CAV3: variants seen among roughly 807,000 people sequenced by gnomAD.
The protein encoded by CAV3 is caveolin-3.
In CAV3, 10 loss-of-function variants were observed where a neutral mutation model predicts 13.4. That is an observed-to-expected ratio of 0.75 (90% CI 0.46 to 1.27). The LOEUF (loss-of-function observed/expected upper bound fraction) is 1.27. Ranked by LOEUF, CAV3 falls within the 50% of genes most tolerant of loss-of-function variation. The probability of loss-of-function intolerance (pLI) is 0.00; values close to 1 mark genes in which losing one functional copy is unlikely to be tolerated. For synonymous variants in CAV3, 90 were observed against 79.0 expected, an observed-to-expected ratio of 1.14 and a Z score of -0.74; for missense variants, 162 against 194.0, an observed-to-expected ratio of 0.83 and a Z score of 0.98.
intron 1 of CAV3, among the ~76,000 whole-genome samples, chr3:8,739,983 G>A (rs1472960201): frequency 6.6e-6 from 1 of 152,124 alleles, no homozygotes; most frequent in Non-Finnish European, 1.5e-5. Flanking sequence ...AGGACTGGCA[G>A]AGATGGCTGG....
intron 1 of CAV3, among the ~76,000 whole-genome samples, chr3:8,737,759 A>G (rs1047257561): frequency 6.6e-6 from 1 of 152,152 alleles, no homozygotes; most frequent in African/African-American, 2.4e-5. Context: ...GCCTCACTGC[A>G]TGCAAACCCT....
In CAV3 at chr3:8,733,995, G is replaced by C. The variant is rs1354029651; in HGVS notation, c.114+5G>C. 6.4e-7 allele frequency: 1 copy of C among 1,551,010 alleles called. No homozygotes were observed. The highest frequency in any genetic ancestry group is 1.4e-5 in the African/African-American group (1 of 73,318). On this transcript the variant is annotated splice_donor_5th_base_variant and intron_variant, in intron 1 of 1. Transcript: ENST00000343849. Reference sequence around the variant, plus strand: ...ATTAACGAGGACATAGTCAAGGTAGGCTCTGCAGGCCTGCCTCGGCGGGCG... The same window carrying C: ...ATTAACGAGGACATAGTCAAGGTAGCCTCTGCAGGCCTGCCTCGGCGGGCG...
intron 1 of CAV3, among the ~76,000 whole-genome samples, chr3:8,738,571 G>C (rs186254380): frequency 4.6e-5 from 7 of 152,314 alleles, no homozygotes; most frequent in African/African-American, 1.7e-4. Flanking sequence ...GTTAGGAGAG[G>C]AAGAATTACT....
Position 8,745,921 on chromosome 3 carries a change from C to T in CAV3, c.*54C>T, listed in dbSNP as rs1575478218. The stretch of plus-strand genomic sequence containing the variant: ...GCAGGGGGTGGTGGGCCAGACTGGT[C>T]CCCGGGGGACTTCTTCACAGGGGCT... On this transcript the variant is annotated 3_prime_UTR_variant, in exon 2 of 2. Transcript: ENST00000343849. This position sits in a 1 kb window ranked among gnomAD's most constrained non-coding sequence, Gnocchi z 4.8. 16 of 1,453,088 alleles carry T rather than the reference C, an allele frequency of 1.1e-5. No individual in the cohort carries two copies. The highest frequency in any genetic ancestry group is 1.3e-5 in the Non-Finnish European group (14 of 1,053,732). The allele number at this position is 1,453,088 out of a possible 1,614,324, so 90.0% of individuals were successfully genotyped here.
rs866796858 is a variant in CAV3 at position 8,734,787 on chromosome 3, C to G, written c.114+797C>G. Among the ~76,000 whole-genome samples, 6 of 152,350 alleles carry G rather than the reference C, an allele frequency of 3.9e-5. No individual in the cohort carries two copies. In the Middle Eastern group the frequency reaches 0.014, roughly 345 times the overall value. The stretch of plus-strand genomic sequence containing the variant: ...AGGCTGGAGTGCAGTCGCACACTCA[C>G]GCCTCACTGCAGCCTCAACCTCCCA... On this transcript the variant is annotated intron_variant, in intron 1 of 1. Coordinates refer to ENST00000343849, the MANE Select transcript of CAV3 (RefSeq NM_033337.3).
In CAV3 at chr3:8,733,863, C is replaced by G; in HGVS notation, c.-14C>G. 1 of 1,540,152 alleles carries G rather than the reference C, an allele frequency of 6.5e-7. No individual in the cohort carries two copies. The highest frequency in any genetic ancestry group is 9.0e-7 in the Non-Finnish European group (1 of 1,112,524). On this transcript the variant is annotated 5_prime_UTR_variant, in exon 1 of 2. Coordinates refer to ENST00000343849, the MANE Select transcript of CAV3 (RefSeq NM_033337.3). ...CAGCTCGGATCTCCTCCTGTGGATC[C>G]CCCCAGCTCTGCGATGATGGCAGAA...
intron 1 of CAV3, among the ~76,000 whole-genome samples, chr3:8,737,745 G>A (rs1240988284): frequency 6.6e-6 from 1 of 152,190 alleles, no homozygotes; most frequent in Non-Finnish European, 1.5e-5. Context: ...TGATGAGCAG[G>A]ACAGCCTCAC....
Position 8,733,995 on chromosome 3 carries a change from G to A in CAV3, c.114+5G>A, listed in dbSNP as rs1354029651. 6.4e-7 allele frequency: 1 copy of A among 1,551,010 alleles called. No individual in the cohort carries two copies. The highest frequency in any genetic ancestry group is 8.9e-7 in the Non-Finnish European group (1 of 1,122,924). On this transcript the variant is annotated splice_donor_5th_base_variant and intron_variant, in intron 1 of 1. Coordinates refer to ENST00000343849, the MANE Select transcript of CAV3 (RefSeq NM_033337.3). Reference sequence around the variant, plus strand: ...ATTAACGAGGACATAGTCAAGGTAGGCTCTGCAGGCCTGCCTCGGCGGGCG... The same window carrying A: ...ATTAACGAGGACATAGTCAAGGTAGACTCTGCAGGCCTGCCTCGGCGGGCG...
At chr3:8,743,986 C>A (rs1299522706) in intron 1 of CAV3, among the ~76,000 whole-genome samples, 2 of 152,040 alleles carry the variant, frequency 1.3e-5, no homozygotes, top group Non-Finnish European at 2.9e-5. Context: ...TCCCCATAAC[C>A]AAGGCGGGAA....
intron 1 of CAV3, among the ~76,000 whole-genome samples, chr3:8,735,281 GT>G (rs1440908850): frequency 6.6e-6 from 1 of 152,170 alleles, no homozygotes; most frequent in East Asian, 1.9e-4. Flanking sequence ...ATCTAAAATA[GT>G]ATTATTTCAA....
rs1291499448 is a variant in CAV3, at chr3:8,733,883, G to A, written c.7G>A (p.Ala3Thr). 1 of 1,605,252 alleles carries A rather than the reference G, an allele frequency of 6.2e-7. No individual in the cohort carries two copies. The highest frequency in any genetic ancestry group is 8.5e-7 in the Non-Finnish European group (1 of 1,171,956). The change falls in exon 1 of 2, where the codon GCA becomes ACA. Residue 3 changes from alanine (A) to threonine (T), a missense_variant. Physicochemically the swap from Ala to Thr is moderately conservative, Grantham distance 58 (BLOSUM62 0). Transcript: ENST00000343849. ...GGATCCCCCCAGCTCTGCGATGATG[G>A]CAGAAGAGCACACAGATCTCGAGGC... is the stretch of plus-strand genomic sequence containing the variant. Reference protein sequence around the residue: MMAEEHTDLEAQI... With the variant: MMTEEHTDLEAQI...
intron 1 of CAV3, among the ~76,000 whole-genome samples, chr3:8,737,452 AC>A (rs968962377): frequency 6.6e-6 from 1 of 151,906 alleles, no homozygotes; most frequent in African/African-American, 2.4e-5. Flanking sequence ...CATGGATTTG[AC>A]CCCCAGTAGA....
intron 1 of CAV3, among the ~76,000 whole-genome samples, chr3:8,734,960 C>T (rs558314239): frequency 1.5e-3 from 230 of 152,312 alleles, no homozygotes; most frequent in African/African-American, 5.2e-3. Context: ...CTCAAGTGAT[C>T]CTCCTGCCTC....
chr3:8,738,901 A>G (rs943065713), intron 1 of CAV3, among the ~76,000 whole-genome samples: 3 of 152,192 alleles, frequency 2.0e-5, no homozygotes, highest in Non-Finnish European at 4.4e-5. Flanking sequence ...AACAGATAAC[A>G]CTTCGCTGCT....
Position 8,733,872 on chromosome 3 carries a change from C to G in CAV3, c.-5C>G, listed in dbSNP as rs1390558496. 2 of 1,586,672 alleles carry G rather than the reference C, an allele frequency of 1.3e-6. No homozygotes were observed. Among genetic ancestry groups the G allele is most frequent in the Non-Finnish European group, 1.7e-6 (2 of 1,154,896 alleles). Reference sequence around the variant, plus strand: ...TCTCCTCCTGTGGATCCCCCCAGCTCTGCGATGATGGCAGAAGAGCACACA... The same window carrying G: ...TCTCCTCCTGTGGATCCCCCCAGCTGTGCGATGATGGCAGAAGAGCACACA... On this transcript the variant is annotated 5_prime_UTR_variant, in exon 1 of 2. Transcript: ENST00000343849.
chr3:8,742,535 A>C (rs1708009023), intron 1 of CAV3: 1 of 455,082 alleles, frequency 2.2e-6, no homozygotes, highest in Non-Finnish European at 4.4e-6. Context: ...ATAACTAAGT[A>C]GGCTGGAGAA....
At chr3:8,742,654 C>G (rs769057132) in intron 1 of CAV3, 12 of 410,580 alleles carry the variant, frequency 2.9e-5, no homozygotes, top group Non-Finnish European at 4.9e-5. Context: ...AATAGCCAGG[C>G]ATTGTGCTAA....
intron 1 of CAV3, among the ~76,000 whole-genome samples, chr3:8,741,830 G>A (rs936203656): frequency 3.9e-5 from 6 of 151,932 alleles, no homozygotes; most frequent in African/African-American, 1.2e-4. Context: ...CACCTTCCCC[G>A]CCCTCTCAGA....
Position 8,745,985 on chromosome 3 carries a change from C to G in CAV3, c.*118C>G, listed in dbSNP as rs1186782649. ...TTCTCTTTAGGGACTGCTCCATACC[C>G]CATGATGGAGCACACGGTGTAGGGA... On this transcript the variant is annotated 3_prime_UTR_variant, in exon 2 of 2. Coordinates refer to ENST00000343849, the MANE Select transcript of CAV3 (RefSeq NM_033337.3). This position sits in a 1 kb window ranked among gnomAD's most constrained non-coding sequence, Gnocchi z 4.8. 6.6e-6 allele frequency: 5 copies of G among 758,690 alleles called. No individual in the cohort carries two copies. The highest frequency in any genetic ancestry group is 8.5e-6 in the Non-Finnish European group (4 of 471,486). The allele number at this position is 758,690 out of a possible 1,614,324, so 47.0% of individuals were successfully genotyped here. A position where few individuals can be genotyped will look rare whatever the true frequency, so the allele number is the denominator to read the frequency against.
Sources: allele counts gnomAD v4.1 joint callset (sites outside exome capture counted in the v4.1 genomes callset), GRCh38; gene constraint gnomAD v4.1.1; non-coding constraint Gnocchi (gnomAD v3.1); transcripts MANE v1.5; gene names NCBI Gene and HGNC (gene_info 2026-07-23, HGNC 2026-07-21).